The following PKNOX2 variants were observed in gnomAD, a reference collection of about 807,000 sequenced individuals.
The protein encoded by PKNOX2 is PBX/knotted 1 homeobox 2.
A neutral mutation model predicts 53.1 loss-of-function variants in PKNOX2; 14 were observed. The ratio of observed to expected loss-of-function variants is 0.26; its 90% confidence interval spans 0.17 to 0.41. The LOEUF is 0.41. Ranked by LOEUF, PKNOX2 falls within the 10% of genes least tolerant of loss-of-function variation. PKNOX2 has a pLI of 1.00. For synonymous variants in PKNOX2, 257 were observed against 242.8 expected (o/e 1.06, Z -0.54); for missense variants, 496 against 602.8 (o/e 0.82, Z 1.85).
chr11:125,368,558 G>T (rs1952320055), intron 5 of PKNOX2, among the ~76,000 whole-genome samples: 1 of 152,236 alleles, frequency 6.6e-6, no homozygotes, highest in Non-Finnish European at 1.5e-5. Flanking sequence ...ACCACACTTG[G>T]ATTCATGGTA....
Position 125,222,285 on chromosome 11 carries a change from G to A in PKNOX2, c.-200-12760G>A, listed in dbSNP as rs1941223618. On this transcript the variant is annotated intron_variant, in intron 1 of 12. Coordinates refer to ENST00000298282, the MANE Select transcript of PKNOX2 (RefSeq NM_001382323.2). The stretch of plus-strand genomic sequence containing the variant: ...GGGATTTTTTTCTGGGGCTGACACG[G>A]ATGCCTTTCCTTCAACCTTTCTCTG... Among the ~76,000 whole-genome samples the A allele has an allele frequency of 2.0e-5, 3 of 152,164 alleles. No homozygotes were observed. In the South Asian group the frequency reaches 6.2e-4, roughly 32 times the overall value.
chr11:125,360,277 C>T (rs1043272240), intron 4 of PKNOX2, among the ~76,000 whole-genome samples: 4 of 151,902 alleles, frequency 2.6e-5, no homozygotes, highest in Non-Finnish European at 5.9e-5. Flanking sequence ...ACAAGCAAGA[C>T]TGTATGCAGA....
At chr11:125,310,523 T>C (rs1322839939) in intron 2 of PKNOX2, among the ~76,000 whole-genome samples, 2 of 151,538 alleles carry the variant, frequency 1.3e-5, no homozygotes, top group Non-Finnish European at 2.9e-5. Context: ...AATAATAATA[T>C]ATAAATAAAT....
At chr11:125,224,033 C>T (rs934462002) in intron 1 of PKNOX2, among the ~76,000 whole-genome samples, 6 of 152,274 alleles carry the variant, frequency 3.9e-5, no homozygotes, top group Non-Finnish European at 5.9e-5. Flanking sequence ...GCGGCTGCTG[C>T]GGCCTTGCTC....
intron 1 of PKNOX2, among the ~76,000 whole-genome samples, chr11:125,187,290 T>C (rs1378555492): frequency 6.6e-6 from 1 of 152,190 alleles, no homozygotes; most frequent in Non-Finnish European, 1.5e-5. Context: ...AATCTGCAGA[T>C]TGTTTGTTAG....
intron 2 of PKNOX2, among the ~76,000 whole-genome samples, chr11:125,278,827 A>G (rs1946356689): frequency 6.6e-6 from 1 of 152,218 alleles, no homozygotes; most frequent in Non-Finnish European, 1.5e-5. Flanking sequence ...TGAGGCCCAG[A>G]GAGGTCACAT....
chr11:125,230,582 A>C (rs2114207), intron 1 of PKNOX2, among the ~76,000 whole-genome samples: 7 of 152,152 alleles, frequency 4.6e-5, no homozygotes, highest in African/African-American at 1.4e-4. Context: ...AGAGGACAGG[A>C]GCATCCAGAG....
intron 5 of PKNOX2, among the ~76,000 whole-genome samples, chr11:125,371,956 G>C (rs902619297): frequency 6.6e-6 from 1 of 152,184 alleles, no homozygotes; most frequent in African/African-American, 2.4e-5. Context: ...GTTAGCATTT[G>C]TGTCAACCTT....
intron 1 of PKNOX2, chr11:125,184,471 G>A (rs903500437): frequency 6.6e-6 from 1 of 152,228 alleles, no homozygotes; most frequent in Middle Eastern, 3.1e-3. Context: ...GGCTTTGAAG[G>A]TTGGGTGGGA....
In PKNOX2 at chr11:125,351,341, G is replaced by A. The variant is rs768341153; in HGVS notation, c.36G>A (p.Thr12=). ...ATGCCTCCCCAGCCCCCGCTCTGAC[G>A]ATGATGGCCACGCAGAATGTCCCGC... ...MQHASPAPAL[T]MMATQNVPPP... The change falls in exon 4 of 13, where the codon ACG becomes ACA. Residue 12 remains threonine (T), a synonymous_variant. Coordinates refer to ENST00000298282, the MANE Select transcript of PKNOX2 (RefSeq NM_001382323.2). 7 of 1,610,608 alleles carry A rather than the reference G, an allele frequency of 4.3e-6. No homozygotes were observed. Among genetic ancestry groups the A allele is most frequent in the African/African-American group, 1.3e-5 (1 of 74,966 alleles).
At position 125,349,696 on chromosome 11, in the gene PKNOX2, T is replaced by C. The variant is rs531198286; in HGVS notation, c.-22-1588T>C. ...CCCCACACTGTTCTCTGCACAGAGT[T>C]GGTGGTTGGTAGACATCTATTGAGT... On this transcript the variant is annotated intron_variant, in intron 3 of 12. Transcript: ENST00000298282. 1.9e-4 allele frequency among the ~76,000 whole-genome samples: 29 copies of C among 152,304 alleles called. No individual in the cohort carries two copies. In the South Asian group the frequency reaches 3.9e-3, roughly 21 times the overall value.
chr11:125,243,364 G>C (rs901641749), intron 2 of PKNOX2, among the ~76,000 whole-genome samples: 1 of 152,206 alleles, frequency 6.6e-6, no homozygotes, highest in Non-Finnish European at 1.5e-5. Flanking sequence ...GGATGAGTCT[G>C]AGAAAGTGGG....
At chr11:125,416,386 A>T (rs1955888219) in intron 10 of PKNOX2, among the ~76,000 whole-genome samples, 1 of 150,194 alleles carries the variant, frequency 6.7e-6, no homozygotes, top group Non-Finnish European at 1.5e-5. Context: ...ATCTTTCCAG[A>T]TTTTTATTAT....
At chr11:125,417,748 T>C (rs1475275421) in intron 10 of PKNOX2, among the ~76,000 whole-genome samples, 1 of 151,856 alleles carries the variant, frequency 6.6e-6, no homozygotes, top group African/African-American at 2.4e-5. Flanking sequence ...GTGTAGAGAT[T>C]TTACATGTCC....
At chr11:125,251,458 CTTTTA>C (rs1943988369) in intron 2 of PKNOX2, among the ~76,000 whole-genome samples, 1 of 152,138 alleles carries the variant, frequency 6.6e-6, no homozygotes, top group African/African-American at 2.4e-5. Flanking sequence ...TAAACAGCTT[CTTTTA>C]TTTTATAGGG....
At chr11:125,406,472 G>T (rs565964837) in intron 7 of PKNOX2, among the ~76,000 whole-genome samples, 30 of 152,196 alleles carry the variant, frequency 2.0e-4, no homozygotes, top group Non-Finnish European at 3.8e-4. Context: ...TGGCTTGAAG[G>T]CTTCTAGGAC....
intron 4 of PKNOX2, among the ~76,000 whole-genome samples, chr11:125,358,383 G>A (rs1038095881): frequency 1.1e-4 from 17 of 152,210 alleles, no homozygotes; most frequent in African/African-American, 3.4e-4. Context: ...GGATGGGCAG[G>A]AGGCCATCAG....
intron 2 of PKNOX2, among the ~76,000 whole-genome samples, chr11:125,242,722 G>A (rs561757060): frequency 3.7e-4 from 56 of 152,132 alleles, no homozygotes; most frequent in Non-Finnish European, 7.4e-4. Flanking sequence ...GGAGAGTGGC[G>A]GGTGTGTCCT....
At chr11:125,412,621 G>T (rs1228067743) in intron 10 of PKNOX2, among the ~76,000 whole-genome samples, 2 of 152,196 alleles carry the variant, frequency 1.3e-5, no homozygotes, top group African/African-American at 4.8e-5. Context: ...CAGTGACTGT[G>T]CTGAGTGTGT....
Sources: allele counts gnomAD v4.1 joint callset (sites outside exome capture counted in the v4.1 genomes callset), GRCh38; gene constraint gnomAD v4.1.1; transcripts MANE v1.5; gene names NCBI Gene and HGNC (gene_info 2026-07-23, HGNC 2026-07-21).